Variants in PCDH19 observed in about 807,000 individuals in gnomAD.
The protein encoded by PCDH19 is protocadherin 19.
A neutral mutation model predicts 46.2 loss-of-function variants in PCDH19; 6 were observed. The ratio of observed to expected loss-of-function variants is 0.13; its 90% CI spans 0.07 to 0.26. PCDH19 has a LOEUF of 0.26. Among genes scored for constraint, PCDH19 ranks in the 10% least tolerant of loss-of-function variants. PCDH19 has a pLI of 1.00. For missense variants in PCDH19, 740 were observed against 972.3 expected (o/e 0.76, Z 3.18); for synonymous variants, 481 against 415.7 (o/e 1.16, Z -1.91).
chrX:100,295,601 A>C lies in PCDH19; in HGVS notation c.*676T>G, dbSNP rs1011134046. On this transcript the variant is annotated 3_prime_UTR_variant, in exon 6 of 6. Transcript: ENST00000373034. ...TTGTTTGCACTTTGTTTTTGTCTGTAGTTTTATTATTTTTTTAAGAAAAAG... is the reference window on the plus strand; with the variant it reads ...TTGTTTGCACTTTGTTTTTGTCTGTCGTTTTATTATTTTTTTAAGAAAAAG... The C allele has an allele frequency of 1.8e-5, 2 of 112,356 alleles. No homozygotes were observed. The highest frequency in any genetic ancestry group is 3.8e-5 in the Non-Finnish European group (2 of 53,310). 9.3% of individuals were successfully genotyped at this position (112,356 alleles called of 1,213,427 possible).
At chrX:100,375,393 G>T (rs1927344503) in intron 3 of PCDH19, among the ~76,000 whole-genome samples, 1 of 111,838 alleles carries the variant, frequency 8.9e-6, no homozygotes, top group Admixed American at 9.5e-5. Context: ...ATGGTTTCCA[G>T]CTTCATCCAT....
At chrX:100,317,473 G>T (rs770297271) in intron 5 of PCDH19, among the ~76,000 whole-genome samples, 2 of 111,092 alleles carry the variant, frequency 1.8e-5, no homozygotes, top group Admixed American at 1.9e-4. Context: ...GCAGCCCACA[G>T]GTGTGAAGCA....
At chrX:100,345,436 A>G (rs1345739100) in intron 4 of PCDH19, among the ~76,000 whole-genome samples, 1 of 111,589 alleles carries the variant, frequency 9.0e-6, no homozygotes, top group African/African-American at 3.3e-5. Flanking sequence ...TTAAAACTAT[A>G]TCACTTGGTG....
intron 1 of PCDH19, among the ~76,000 whole-genome samples, chrX:100,405,587 C>G (rs1928323912): frequency 1.0e-5 from 1 of 96,236 alleles, no homozygotes. Context: ...CACACAGACA[C>G]ACACACATCC....
intron 5 of PCDH19, among the ~76,000 whole-genome samples, chrX:100,331,624 C>T (rs1011876421): frequency 8.9e-6 from 1 of 111,768 alleles, no homozygotes; most frequent in African/African-American, 3.3e-5. Flanking sequence ...ACCTGTAATC[C>T]CCACCTGTTA....
chrX:100,318,247 C>CT (rs1186066228), intron 5 of PCDH19, among the ~76,000 whole-genome samples: 1 of 112,247 alleles, frequency 8.9e-6, no homozygotes, highest in African/African-American at 3.2e-5. Flanking sequence ...CTCTGTGTGC[C>CT]TTTTTTCCCT....
intron 3 of PCDH19, among the ~76,000 whole-genome samples, chrX:100,351,207 T>C (rs1053125719): frequency 1.8e-5 from 2 of 113,028 alleles, no homozygotes; most frequent in African/African-American, 6.4e-5. Context: ...CAGCACTGGT[T>C]ATGCAGGAAG....
chrX:100,386,401 C>T (rs1927718194), intron 3 of PCDH19, among the ~76,000 whole-genome samples: 1 of 111,824 alleles, frequency 8.9e-6, no homozygotes, highest in Middle Eastern at 4.2e-3. Flanking sequence ...AATTTGAATT[C>T]AATAAACAAA....
chrX:100,377,360 C>G (rs183067833), intron 3 of PCDH19, among the ~76,000 whole-genome samples: 1 of 111,653 alleles, frequency 9.0e-6, no homozygotes, highest in Non-Finnish European at 1.9e-5. Flanking sequence ...GCTTTAAATA[C>G]GCCAGATACT....
chrX:100,294,987 A>G lies in PCDH19; in HGVS notation c.*1290T>C, dbSNP rs1416035120. The G allele has an allele frequency of 8.9e-6, 1 of 112,503 alleles. No individual in the cohort carries two copies. The highest frequency in any genetic ancestry group is 3.2e-5 in the African/African-American group (1 of 30,902). 9.3% of individuals were successfully genotyped at this position (112,503 alleles called of 1,213,427 possible). ...TATTAGTCATAAAAAGATGAGTTCA[A>G]GTGTCTGAGTGTCTCCGTTTAGAAG... On this transcript the variant is annotated 3_prime_UTR_variant, in exon 6 of 6. Coordinates refer to ENST00000373034, the MANE Select transcript of PCDH19 (RefSeq NM_001184880.2).
At chrX:100,329,204 T>C (rs1179002259) in intron 5 of PCDH19, among the ~76,000 whole-genome samples, 1 of 112,703 alleles carries the variant, frequency 8.9e-6, no homozygotes. Flanking sequence ...ACATCAATTA[T>C]AAATCTGAAA....
intron 3 of PCDH19, among the ~76,000 whole-genome samples, chrX:100,394,533 T>C (rs1376102673): frequency 9.0e-6 from 1 of 111,603 alleles, no homozygotes; most frequent in Non-Finnish European, 1.9e-5. Context: ...GAACGAGCTC[T>C]ACAGGTGAAG....
intron 3 of PCDH19, among the ~76,000 whole-genome samples, chrX:100,351,877 CA>C (rs1280817458): frequency 1.8e-5 from 2 of 112,438 alleles, no homozygotes; most frequent in African/African-American, 6.5e-5. Flanking sequence ...CAGGCAATAG[CA>C]GATCCAGCTA....
In PCDH19 at chrX:100,322,865, A is replaced by ATATATATATTTT; in HGVS notation, c.2848+19037_2848+19038insAAAATATATATA. On this transcript the variant is annotated intron_variant, in intron 5 of 5. Transcript: ENST00000373034. ...TATATATATATATATATATATATAT[A>ATATATATATTTT]TTTTTGCAGCTATTGTAAAAGGGGT... is the stretch of plus-strand genomic sequence containing the variant. Among the ~76,000 whole-genome samples, 7 of 54,414 alleles carry ATATATATATTTT rather than the reference A, an allele frequency of 1.3e-4. 1 individual carries two copies. The highest frequency in any genetic ancestry group is 4.1e-4 in the Admixed American group (2 of 4,845). 47.3% of individuals were successfully genotyped at this position (54,414 alleles called of 115,157 possible). A position where few individuals can be genotyped will look rare whatever the true frequency, so the allele number is the denominator to read the frequency against.
intron 3 of PCDH19, among the ~76,000 whole-genome samples, chrX:100,386,600 A>G (rs1927723339): frequency 8.9e-6 from 1 of 111,794 alleles, no homozygotes; most frequent in African/African-American, 3.2e-5. Context: ...TTTCTAATCC[A>G]AACAATCTCA....
Position 100,409,976 on chromosome X carries a change from G to A in PCDH19, c.-1379C>T. The A allele has an allele frequency of 3.3e-6, 1 of 305,466 alleles. No homozygotes were observed. Among genetic ancestry groups the A allele is most frequent in the Non-Finnish European group, 5.6e-6 (1 of 177,116 alleles). The allele number at this position is 305,466 out of a possible 1,213,427, so 25.2% of individuals were successfully genotyped here. ...GCTGTGTGTGAATGTGTGAGAGAGA[G>A]AGGAAGAGTGAGTGTGTGGTGTGGG... On this transcript the variant is annotated 5_prime_UTR_variant, in exon 1 of 6. Coordinates refer to ENST00000373034, the MANE Select transcript of PCDH19 (RefSeq NM_001184880.2).
Position 100,407,049 on chromosome X carries a change from C to T in PCDH19, c.1549G>A (p.Ala517Thr), listed in dbSNP as rs778072039. 1.2e-5 allele frequency: 15 copies of T among 1,211,436 alleles called. No homozygotes were observed. The highest frequency in any genetic ancestry group is 1.7e-5 in the Non-Finnish European group (15 of 895,368). ...TGCTCGTGGTTAAAGGATCGCAGCG[C>T]GTAGATGTCGCCTGAGTTGGGATTG... ...SINPNSGDIY[A>T]LRSFNHEQTK... The change falls in exon 1 of 6, where the codon GCG becomes ACG. Residue 517 changes from alanine to threonine, a missense_variant. Ala to Thr is a moderately conservative substitution (Grantham distance 58, BLOSUM62 0). Coordinates refer to ENST00000373034, the MANE Select transcript of PCDH19 (RefSeq NM_001184880.2).
At chrX:100,330,089 TC>T (rs1350358526) in intron 5 of PCDH19, among the ~76,000 whole-genome samples, 2 of 112,121 alleles carry the variant, frequency 1.8e-5, no homozygotes, top group African/African-American at 6.5e-5. Context: ...GCATTTTTTT[TC>T]AATAAGCTGA....
rs1190815181 is a variant in PCDH19 at position 100,292,200 on chromosome X, A to C, written c.*4077T>G. On this transcript the variant is annotated 3_prime_UTR_variant, in exon 6 of 6. Coordinates refer to ENST00000373034, the MANE Select transcript of PCDH19 (RefSeq NM_001184880.2). The stretch of plus-strand genomic sequence containing the variant: ...TGAACGCCAGCCAGTGCCAGTAAAA[A>C]TCTACTTAACCAGTGCTGTAATGGT... 2 of 113,178 alleles carry C rather than the reference A, an allele frequency of 1.8e-5. No homozygotes were observed. Among genetic ancestry groups the C allele is most frequent in the Non-Finnish European group, 3.7e-5 (2 of 53,369 alleles). The allele number at this position is 113,178 out of a possible 1,213,427, so 9.3% of individuals were successfully genotyped here.
Sources: allele counts gnomAD v4.1 joint callset (sites outside exome capture counted in the v4.1 genomes callset), GRCh38; gene constraint gnomAD v4.1.1; transcripts MANE v1.5; gene names NCBI Gene and HGNC (gene_info 2026-07-23, HGNC 2026-07-21).